PITRM1: variants seen among roughly 807,000 people sequenced by gnomAD.
PITRM1 encodes the protein pitrilysin metallopeptidase 1, also known as presequence protease, mitochondrial.
In PITRM1, 100 loss-of-function variants were observed where a neutral mutation model predicts 129.9. The observed-to-expected ratio is 0.77, with a 90% confidence interval of 0.65 to 0.91. The LOEUF (loss-of-function observed/expected upper bound fraction) is 0.91. Ranked by LOEUF, PITRM1 falls within the 40% of genes least tolerant of loss-of-function variation. The probability of loss-of-function intolerance (pLI) is 0.00; values close to 1 mark genes in which losing one functional copy is unlikely to be tolerated. For synonymous variants in PITRM1, 591 were observed against 508.8 expected (o/e 1.16, Z -2.17); for missense variants, 1,471 against 1,318.3 (o/e 1.12, Z -1.79).
intron 16 of PITRM1, 112 bp downstream of exon 16, chr10:3,149,509 A>G (rs1209336846): frequency 1.8e-6 from 2 of 1,100,058 alleles, no homozygotes; most frequent in Non-Finnish European, 2.6e-6. Flanking sequence ...CTTACACACT[A>G]ACATTGTAAG....
In PITRM1 at chr10:3,139,096, A is replaced by C. The variant is rs759628431; in HGVS notation, c.2772-47T>G. 20 of 1,546,056 alleles carry C rather than the reference A, an allele frequency of 1.3e-5. No homozygotes were observed. The African/African-American group carries it at 1.9e-4, about 15-fold the overall frequency. On this transcript the variant is annotated intron_variant, in intron 24 of 26. Transcript: ENST00000224949. The stretch of plus-strand genomic sequence containing the variant: ...ACGGGCAAGCATTTTACCAGTGGAC[A>C]AGTTTATGACAAACCTCTGTCGACT...
Position 3,159,877 on chromosome 10 carries a change from T to A in PITRM1, c.978A>T (p.Thr326=). ...DSFATDPSKQ[T]TISVSFLLPD... is the part of the protein sequence containing the mutation. ...GTAAGAGGAAGCTAACGCTGATGGT[T>A]GTTTGTTTAGAGGGATCTGTAGCAA... The change falls in exon 9 of 27, where the codon ACA becomes ACT. Residue 326 remains threonine, a synonymous_variant. Transcript: ENST00000224949. The A allele has an allele frequency of 6.2e-7, 1 of 1,605,074 alleles. No homozygotes were observed. The highest frequency in any genetic ancestry group is 8.5e-7 in the Non-Finnish European group (1 of 1,174,636).
At position 3,170,089 on chromosome 10, in the gene PITRM1, G is replaced by C; in HGVS notation, c.159+15C>G. ...GTATGTGGATTTATAAGGAGGTGCCGAGGACGACCCATACCTGGTTTACGG... is the reference window on the plus strand; with the variant it reads ...GTATGTGGATTTATAAGGAGGTGCCCAGGACGACCCATACCTGGTTTACGG... On this transcript the variant is annotated intron_variant, in intron 2 of 26. Coordinates refer to ENST00000224949, the MANE Select transcript of PITRM1 (RefSeq NM_014889.4). 1 of 1,584,922 alleles carries C rather than the reference G, an allele frequency of 6.3e-7. No individual in the cohort carries two copies. The highest frequency in any genetic ancestry group is 1.1e-5 in the South Asian group (1 of 90,502).
At chr10:3,144,038 C>G in intron 22 of PITRM1, 1 of 575,492 alleles carries the variant, frequency 1.7e-6, no homozygotes, top group South Asian at 2.1e-5. Flanking sequence ...TTCCTGGGCA[C>G]AGGGAAGACG....
chr10:3,153,574 G>A (rs1020703355), intron 14 of PITRM1, among the ~76,000 whole-genome samples: 8 of 151,638 alleles, frequency 5.3e-5, no homozygotes, highest in South Asian at 2.1e-4. Flanking sequence ...AGCCGAGATC[G>A]TGCCACTGCA....
intron 14 of PITRM1, among the ~76,000 whole-genome samples, chr10:3,153,824 A>T (rs77680543): frequency 0.013 from 1,961 of 152,340 alleles, 40 homozygotes; most frequent in African/African-American, 0.044. Flanking sequence ...TTTCTCACAG[A>T]ATCCCAGCCC....
In PITRM1 at chr10:3,171,064, G is replaced by A. The variant is rs539039525; in HGVS notation, c.57-858C>T. Among the ~76,000 whole-genome samples, 13 of 140,492 alleles carry A rather than the reference G, an allele frequency of 9.3e-5. No individual in the cohort carries two copies. The South Asian group carries it at 3.0e-3, about 33-fold the overall frequency. 92.2% of individuals were successfully genotyped at this position (140,492 alleles called of 152,430 possible). A position where few individuals can be genotyped will look rare whatever the true frequency, so the allele number is the denominator to read the frequency against. On this transcript the variant is annotated intron_variant, in intron 1 of 26. Transcript: ENST00000224949. ...CCAGCACTCACAGACAAAAATGTCA[G>A]CACGAACCCTGACAGTCCCAAACTC... is the stretch of plus-strand genomic sequence containing the variant.
chr10:3,168,793 C>A (rs979735871), intron 2 of PITRM1, among the ~76,000 whole-genome samples: 1 of 152,264 alleles, frequency 6.6e-6, no homozygotes, highest in East Asian at 1.9e-4. Flanking sequence ...TTAGCTCATA[C>A]TTTATAAATT....
intron 14 of PITRM1, among the ~76,000 whole-genome samples, chr10:3,153,476 G>A (rs987976352): frequency 6.6e-6 from 1 of 152,122 alleles, no homozygotes. Context: ...AAAATCAGCT[G>A]GGCGTGGTGG....
chr10:3,143,707 C>T lies in PITRM1; in HGVS notation c.2533-206G>A, dbSNP rs750889280. 191 of 707,680 alleles carry T rather than the reference C, an allele frequency of 2.7e-4. No homozygotes were observed. In the African/African-American group the frequency reaches 3.1e-3, roughly 11 times the overall value. 43.8% of individuals were successfully genotyped at this position (707,680 alleles called of 1,614,324 possible). ...AGAGCAAGGCACTGCAGTTCCGTCA[C>T]TCCACACAATTTCTCACTGTAAAAC... On this transcript the variant is annotated intron_variant, in intron 22 of 26. Transcript: ENST00000224949.
rs977198173 is a variant in PITRM1, at chr10:3,143,445, C to T, written c.2589G>A (p.Val863=). Residue 863 remains valine (V), a synonymous_variant, in exon 23 of 27, where the codon GTG becomes GTA. Coordinates refer to ENST00000224949, the MANE Select transcript of PITRM1 (RefSeq NM_014889.4). ...TTCGGATGCATTCACCCACGTAATT[C>T]ACCGGGAAGGGCATCAGGAAGTGAG... ...MKTHFLMPFP[V]NYVGECIRTV... The T allele has an allele frequency of 3.7e-6, 6 of 1,613,804 alleles. No homozygotes were observed. The African/African-American group carries it at 6.7e-5, about 18-fold the overall frequency.
chr10:3,160,023 A>C, intron 8 of PITRM1, 87 bp from the exon 9 acceptor site: 3 of 1,247,616 alleles, frequency 2.4e-6, no homozygotes, highest in Non-Finnish European at 3.4e-6. Context: ...AAATGGAGCG[A>C]AACAGGCTTT....
Position 3,155,621 on chromosome 10 carries a change from G to C in PITRM1, c.1591C>G (p.Pro531Ala). ...KLKQKVEALS[P>A]GDRQQIYEKG... ...TCGTAGATCTGCTGCCTGTCTCCGG[G>C]GGACAGAGCCTCGACCTTCTGCTTG... is the stretch of plus-strand genomic sequence containing the variant. The change falls in exon 14 of 27, where the codon CCC (proline) becomes GCC (alanine). Residue 531 changes from proline (P) to alanine (A), a missense_variant. Transcript: ENST00000224949. The C allele has an allele frequency of 6.2e-7, 1 of 1,613,892 alleles. No homozygotes were observed. The highest frequency in any genetic ancestry group is 8.5e-7 in the Non-Finnish European group (1 of 1,179,876).
At chr10:3,146,742 C>G (rs2132389895) in intron 20 of PITRM1, 1 of 155,474 alleles carries the variant, frequency 6.4e-6, no homozygotes, top group East Asian at 1.9e-4. Context: ...TTCATGCTCA[C>G]ACATCTGAGG....
Position 3,170,166 on chromosome 10 carries a change from C to G in PITRM1, c.97G>C (p.Ala33Pro), listed in dbSNP as rs77718778. 1 of 1,613,886 alleles carries G rather than the reference C, an allele frequency of 6.2e-7. No homozygotes were observed. Among genetic ancestry groups the G allele is most frequent in the Non-Finnish European group, 8.5e-7 (1 of 1,179,880 alleles). ...HRAWRWNSNR[A>P]CERALQYKLG... ...TTATACTGCAGAGCCCTCTCACAAG[C>G]CCGGTTACTGTTCCATCGCCACGCT... is the stretch of plus-strand genomic sequence containing the variant. The change falls in exon 2 of 27, where the codon GCT (alanine) becomes CCT (proline). Residue 33 changes from alanine (A) to proline (P), a missense_variant. Coordinates refer to ENST00000224949, the MANE Select transcript of PITRM1 (RefSeq NM_014889.4).
In PITRM1 at chr10:3,157,650, T is replaced by G. The variant is rs1842087229; in HGVS notation, c.1251-119A>C. The G allele has an allele frequency of 3.5e-5, 22 of 635,208 alleles. No individual in the cohort carries two copies. The South Asian group carries it at 4.3e-4, about 12-fold the overall frequency. The allele number at this position is 635,208 out of a possible 1,614,324, so 39.3% of individuals were successfully genotyped here. A position where few individuals can be genotyped will look rare whatever the true frequency, so the allele number is the denominator to read the frequency against. ...TGAGGCCAGGCATTTAAGACCAGCTTGGGCAACACAGAGAAAGCCCATCTC... is the reference window on the plus strand; with the variant it reads ...TGAGGCCAGGCATTTAAGACCAGCTGGGGCAACACAGAGAAAGCCCATCTC... On this transcript the variant is annotated intron_variant, in intron 11 of 26. Transcript: ENST00000224949.
chr10:3,143,416 AC>A lies in PITRM1; in HGVS notation c.2617del (p.Val873SerfsTer17). On this transcript the variant is annotated frameshift_variant, in exon 23 of 27. Coordinates refer to ENST00000224949, the MANE Select transcript of PITRM1 (RefSeq NM_014889.4). LOFTEE classifies it high-confidence loss of function. The stretch of plus-strand genomic sequence containing the variant: ...GGCATGATCTGGGTCCGTGTAGGGG[AC>A]AGTTCGGATGCATTCACCCACGTAA... ...VNYVGECIRT[V>X]PYTDPDHASL... 6.2e-7 allele frequency: 1 copy of A among 1,612,520 alleles called. No homozygotes were observed. The highest frequency in any genetic ancestry group is 8.5e-7 in the Non-Finnish European group (1 of 1,178,584).
chr10:3,138,394 C>T (rs1839804988), intron 25 of PITRM1, 57 bp from the exon 26 acceptor site: 2 of 1,174,762 alleles, frequency 1.7e-6, no homozygotes, highest in Admixed American at 1.7e-5. Context: ...GCGTTGTGGG[C>T]TGTGCACTCA....
intron 12 of PITRM1, 101 bp downstream of exon 12, chr10:3,157,329 TTAAAG>T (rs777223207): frequency 1.7e-5 from 12 of 689,246 alleles, no homozygotes; most frequent in African/African-American, 1.3e-4. Flanking sequence ...CCTTACCCAT[TTAAAG>T]TAATCTATTT....
Sources: allele counts gnomAD v4.1 joint callset (sites outside exome capture counted in the v4.1 genomes callset), GRCh38; gene constraint gnomAD v4.1.1; transcripts MANE v1.5; gene names NCBI Gene and HGNC (gene_info 2026-07-23, HGNC 2026-07-21).